Variants in LRP1B observed in about 807,000 individuals in gnomAD.
The protein encoded by LRP1B is low-density lipoprotein receptor-related protein 1B.
A neutral mutation model predicts 556.6 loss-of-function variants in LRP1B; 217 were observed. The ratio of observed to expected loss-of-function variants is 0.39; its 90% confidence interval spans 0.35 to 0.44. LRP1B has a LOEUF of 0.44. Among genes scored for constraint, LRP1B ranks in the 20% least tolerant of loss-of-function variants. The pLI, the probability that LRP1B is intolerant of heterozygous loss-of-function variation, is 1.00. For missense variants in LRP1B, 5,053 were observed against 5,620.8 expected, an observed-to-expected ratio of 0.90 and a Z score of 3.23; for synonymous variants, 2,047 against 1,865.8, an observed-to-expected ratio of 1.10 and a Z score of -2.50.
intron 2 of LRP1B, among the ~76,000 whole-genome samples, chr2:141,531,872 A>G (rs1684887401): frequency 6.6e-6 from 1 of 152,142 alleles, no homozygotes; most frequent in African/African-American, 2.4e-5. Context: ...GAGGCATTAT[A>G]GATCTTACAT....
chr2:140,553,473 A>C (rs1305799018), intron 43 of LRP1B, among the ~76,000 whole-genome samples: 1 of 151,566 alleles, frequency 6.6e-6, no homozygotes, highest in Non-Finnish European at 1.5e-5. Flanking sequence ...CTTAATATTG[A>C]ATATTCTATT....
At chr2:141,679,178 T>C (rs1487250117) in intron 2 of LRP1B, among the ~76,000 whole-genome samples, 2 of 152,046 alleles carry the variant, frequency 1.3e-5, no homozygotes, top group African/African-American at 2.4e-5. Flanking sequence ...ATCCTGGTAA[T>C]AACACACGAG....
intron 2 of LRP1B, among the ~76,000 whole-genome samples, chr2:141,689,681 G>T (rs1241766537): frequency 6.6e-6 from 1 of 151,642 alleles, no homozygotes; most frequent in East Asian, 1.9e-4. Context: ...ATTAGTGATG[G>T]AAATTTTGTT....
chr2:142,117,315 G>A (rs753202309), intron 1 of LRP1B, among the ~76,000 whole-genome samples: 2 of 152,056 alleles, frequency 1.3e-5, no homozygotes, highest in East Asian at 1.9e-4. Flanking sequence ...TTTAGCAAGG[G>A]GGAGGAAGAT....
chr2:141,723,861 A>AAT lies in LRP1B; in HGVS notation c.205+86416_205+86417dup, dbSNP rs778656659. ...AGTGAACACTAAAATCAAAAGGAAA[A>AAT]ATATATATATATATATTCTTACTCA... On this transcript the variant is annotated intron_variant, in intron 2 of 90. Transcript: ENST00000389484. Among the ~76,000 whole-genome samples, 128 of 150,292 alleles carry AAT rather than the reference A, an allele frequency of 8.5e-4. No homozygotes were observed. The East Asian group carries it at 9.5e-3, about 11-fold the overall frequency.
At chr2:141,591,900 A>G (rs1687353797) in intron 2 of LRP1B, among the ~76,000 whole-genome samples, 4 of 152,184 alleles carry the variant, frequency 2.6e-5, no homozygotes, top group Admixed American at 1.3e-4. Flanking sequence ...GATGTTTGAA[A>G]ATAAATACAT....
intron 11 of LRP1B, among the ~76,000 whole-genome samples, chr2:141,038,856 ATTTC>A (rs1698615741): frequency 6.6e-6 from 1 of 152,082 alleles, no homozygotes; most frequent in African/African-American, 2.4e-5. Context: ...AGTTGAATGT[ATTTC>A]TTTATTTTAA....
rs1014938308 is a variant in LRP1B at position 141,675,406 on chromosome 2, C to T, written c.205+134873G>A. On this transcript the variant is annotated intron_variant, in intron 2 of 90. Coordinates refer to ENST00000389484, the MANE Select transcript of LRP1B (RefSeq NM_018557.3). ...ACCCAATCTTTGTAAAATTTCAATACAATTTTATATAGGCCATAGAACATA... is the reference window on the plus strand; with the variant it reads ...ACCCAATCTTTGTAAAATTTCAATATAATTTTATATAGGCCATAGAACATA... Among the ~76,000 whole-genome samples the T allele has an allele frequency of 1.1e-4, 16 of 151,800 alleles. 1 individual carries two copies. In the South Asian group the frequency reaches 1.7e-3, roughly 16 times the overall value.
At chr2:140,347,376 A>T (rs556330648) in intron 77 of LRP1B, among the ~76,000 whole-genome samples, 38 of 151,778 alleles carry the variant, frequency 2.5e-4, no homozygotes, top group Admixed American at 1.5e-3. Flanking sequence ...AAACAACTTG[A>T]TCTGCATTTG....
intron 11 of LRP1B, among the ~76,000 whole-genome samples, chr2:141,031,497 T>C (rs2105414942): frequency 6.6e-6 from 1 of 152,094 alleles, no homozygotes; most frequent in Admixed American, 6.6e-5. Context: ...TTTTGCTTCA[T>C]CTGAATTTTA....
At chr2:140,617,066 A>G (rs2105240039) in intron 41 of LRP1B, among the ~76,000 whole-genome samples, 1 of 152,076 alleles carries the variant, frequency 6.6e-6, no homozygotes, top group East Asian at 1.9e-4. Flanking sequence ...GTGTCACAAA[A>G]CTTACATAAT....
intron 23 of LRP1B, among the ~76,000 whole-genome samples, chr2:140,893,015 G>A (rs868236756): frequency 2.0e-5 from 3 of 152,010 alleles, no homozygotes; most frequent in Admixed American, 1.3e-4. Context: ...AAGGAAGAGG[G>A]GTAGGCTTTC....
In LRP1B at chr2:140,598,624, A is replaced by T. The variant is rs1229931987; in HGVS notation, c.7194+7T>A. ...CTCTATAACCAAGAAATTCCTGATT[A>T]ACTTACATGTCTCTGGGATCCATCG... On this transcript the variant is annotated splice_region_variant and intron_variant, in intron 43 of 90. Coordinates refer to ENST00000389484, the MANE Select transcript of LRP1B (RefSeq NM_018557.3). 1 of 1,605,634 alleles carries T rather than the reference A, an allele frequency of 6.2e-7. No homozygotes were observed. Among genetic ancestry groups the T allele is most frequent in the Admixed American group, 1.7e-5 (1 of 59,948 alleles).
In LRP1B at chr2:140,516,347, T is replaced by C. The variant is rs967932424; in HGVS notation, c.8149+542A>G. The stretch of plus-strand genomic sequence containing the variant: ...AACAATAATTAACATAATATTTACA[T>C]TGTATTAGGCATTATAAGTAATCAA... On this transcript the variant is annotated intron_variant, in intron 50 of 90. Transcript: ENST00000389484. 2.0e-5 allele frequency among the ~76,000 whole-genome samples: 3 copies of C among 152,000 alleles called. No homozygotes were observed. In the South Asian group the frequency reaches 6.2e-4, roughly 31 times the overall value.
At position 140,234,806 on chromosome 2, in the gene LRP1B, T is replaced by G. The variant is rs948630056; in HGVS notation, c.13639A>C (p.Lys4547Gln). The G allele has an allele frequency of 5.2e-6, 4 of 775,414 alleles. No homozygotes were observed. The highest frequency in any genetic ancestry group is 1.7e-5 in the Admixed American group (1 of 58,604). 48.0% of individuals were successfully genotyped at this position (775,414 alleles called of 1,614,324 possible). ...CTCACCCCAGCAGTTAGTGGTCCTT[T>G]CAAATCAGAGTTTAGGTAGATGGGC... ...APPIYLNSDLKGPLTAGPTNY... is the reference protein window; with the variant it reads ...APPIYLNSDLQGPLTAGPTNY... The change falls in exon 90 of 91, where the codon AAA becomes CAA. Residue 4547 changes from lysine to glutamine, a missense_variant. Lys to Gln is a moderately conservative substitution (Grantham distance 53). Coordinates refer to ENST00000389484, the MANE Select transcript of LRP1B (RefSeq NM_018557.3).
At chr2:140,526,197 G>C (rs373792668) in intron 48 of LRP1B, 40 bp downstream of exon 48, 4 of 1,571,736 alleles carry the variant, frequency 2.5e-6, no homozygotes, top group Non-Finnish European at 3.5e-6. Context: ...TGCCAAAAGT[G>C]CCCAAGCATA....
intron 3 of LRP1B, among the ~76,000 whole-genome samples, chr2:141,377,578 T>C (rs1689485584): frequency 2.0e-5 from 3 of 152,080 alleles, no homozygotes; most frequent in African/African-American, 7.2e-5. Context: ...AGTTCAAAAA[T>C]TCACTGTTGG....
chr2:141,878,645 T>C (rs1698849933), intron 1 of LRP1B, among the ~76,000 whole-genome samples: 1 of 151,936 alleles, frequency 6.6e-6, no homozygotes, highest in Non-Finnish European at 1.5e-5. Context: ...AGTAAATAAA[T>C]TAATGTGTAT....
At position 140,750,079 on chromosome 2, in the gene LRP1B, TACACACACACACAC is replaced by T. The variant is rs59747381; in HGVS notation, c.5758+19120_5758+19133del. ...CATGACTGTATATACTGTGCACACG[TACACACACACACAC>T]ACACACACACACACACACACATTTC... On this transcript the variant is annotated intron_variant, in intron 35 of 90. Coordinates refer to ENST00000389484, the MANE Select transcript of LRP1B (RefSeq NM_018557.3). Among the ~76,000 whole-genome samples, 498 of 150,296 alleles carry T rather than the reference TACACACACACACAC, an allele frequency of 3.3e-3. 1 individual carries two copies. The highest frequency in any genetic ancestry group is 6.6e-3 in the African/African-American group (269 of 41,060).
Sources: allele counts gnomAD v4.1 joint callset (sites outside exome capture counted in the v4.1 genomes callset), GRCh38; gene constraint gnomAD v4.1.1; transcripts MANE v1.5; gene names NCBI Gene and HGNC (gene_info 2026-07-23, HGNC 2026-07-21).